Variants in TCF3 observed in about 807,000 individuals in gnomAD.
TCF3 encodes transcription factor 3.
A neutral mutation model predicts 72.3 loss-of-function variants in TCF3; 54 were observed. The observed-to-expected ratio is 0.75, with a 90% CI of 0.60 to 0.94. The LOEUF (loss-of-function observed/expected upper bound fraction) is 0.94, where lower values mean the gene tolerates loss of function less well. TCF3 is among the 40% of genes least tolerant of loss of function. TCF3 has a pLI of 0.00. For synonymous variants in TCF3, 525 were observed against 412.6 expected, an observed-to-expected ratio of 1.27 and a Z score of -3.30; for missense variants, 1,078 against 934.4, an observed-to-expected ratio of 1.15 and a Z score of -2.00.
intron 3 of TCF3, among the ~76,000 whole-genome samples, chr19:1,636,904 C>T (rs2064494402): frequency 6.6e-6 from 1 of 152,166 alleles, no homozygotes; most frequent in African/African-American, 2.4e-5. Flanking sequence ...CGCGAGCAGA[C>T]AAACCTGAGG....
chr19:1,626,775 C>A (rs1732968762), intron 6 of TCF3, among the ~76,000 whole-genome samples: 2 of 152,226 alleles, frequency 1.3e-5, no homozygotes, highest in Admixed American at 1.3e-4. Flanking sequence ...CCCCCTCCAT[C>A]ACTATGGCTA....
At chr19:1,650,529 G>A (rs1044670720) in intron 1 of TCF3, 66 of 410,984 alleles carry the variant, frequency 1.6e-4, no homozygotes, top group Non-Finnish European at 1.7e-4. Flanking sequence ...TGAAAAATGG[G>A]GGGAGGGTGT....
chr19:1,641,995 T>C (rs932529378), intron 3 of TCF3, among the ~76,000 whole-genome samples: 4 of 151,808 alleles, frequency 2.6e-5, no homozygotes, highest in Non-Finnish European at 5.9e-5. Context: ...CAGTCAGTTA[T>C]GATCACACCA....
intron 5 of TCF3, among the ~76,000 whole-genome samples, chr19:1,629,577 C>A (rs2063446756): frequency 6.6e-6 from 1 of 152,084 alleles, no homozygotes; most frequent in South Asian, 2.1e-4. Context: ...AGGAGGACAG[C>A]CTGCCGGGGC....
At position 1,650,264 on chromosome 19, in the gene TCF3, G is replaced by C. The variant is rs2145785098; in HGVS notation, c.-16C>G. 1 of 1,555,634 alleles carries C rather than the reference G, an allele frequency of 6.4e-7. No homozygotes were observed. The highest frequency in any genetic ancestry group is 2.3e-5 in the East Asian group (1 of 42,690). ...GCTGGTTCATTCTCCTGGGGCCAGG[G>C]CGGGCACCTCAGGCCTGGAAACCCT... On this transcript the variant is annotated 5_prime_UTR_variant, in exon 2 of 19. Transcript: ENST00000262965.
At chr19:1,621,997 G>C in intron 10 of TCF3, 27 bp from the exon 11 acceptor site, 1 of 1,600,866 alleles carries the variant, frequency 6.2e-7, no homozygotes, top group African/African-American at 1.3e-5. Context: ...GAGGAGGGTG[G>C]GTTAGATGGG....
Position 1,640,880 on chromosome 19 carries a change from G to A in TCF3, c.145+5475C>T, listed in dbSNP as rs542144334. On this transcript the variant is annotated intron_variant, in intron 3 of 18. Coordinates refer to ENST00000262965, the MANE Select transcript of TCF3 (RefSeq NM_003200.5). ...AGTTAATGAGGCGGCCAGGCGCGGT[G>A]GTTCACGCCTGTAATCCCAGCACTT... Among the ~76,000 whole-genome samples the A allele has an allele frequency of 7.2e-5, 11 of 152,162 alleles. No individual in the cohort carries two copies. The East Asian group carries it at 2.1e-3, about 29-fold the overall frequency.
At chr19:1,638,782 T>C (rs1599941214) in intron 3 of TCF3, among the ~76,000 whole-genome samples, 1 of 152,258 alleles carries the variant, frequency 6.6e-6, no homozygotes, top group African/African-American at 2.4e-5. Context: ...CGCAAAGCGG[T>C]ACAGAGCTTC....
At chr19:1,627,451 T>G (rs780702298) in intron 5 of TCF3, 25 bp from the exon 6 acceptor site, 4 of 1,610,016 alleles carry the variant, frequency 2.5e-6, no homozygotes, top group Admixed American at 3.3e-5. Flanking sequence ...GGAAGGTTAG[T>G]GGGAGGCGAC....
At chr19:1,612,506 G>C in intron 18 of TCF3, 1 of 1,413,896 alleles carries the variant, frequency 7.1e-7, no homozygotes, top group Non-Finnish European at 9.8e-7. Context: ...GGGTTGTGGA[G>C]AGGGTATCCA....
chr19:1,621,466 T>C (rs2062199821), intron 11 of TCF3, among the ~76,000 whole-genome samples: 1 of 151,452 alleles, frequency 6.6e-6, no homozygotes, highest in Admixed American at 6.6e-5. Context: ...AGTCCCTCTC[T>C]GGGCCTGGGT....
intron 1 of TCF3, 144 bp from the exon 2 acceptor site, chr19:1,650,431 C>T (rs556787504): frequency 3.3e-6 from 2 of 608,188 alleles, no homozygotes. Flanking sequence ...GCCCTGGGGG[C>T]ACGGGGAGCC....
rs533783767 is a variant in TCF3, at chr19:1,633,943, C to T, written c.146-1538G>A. ...GTTGTCTGGTCCCCTCCGGCCATAG[C>T]CAGTACCCCAGGAGGTGCAGAGACC... On this transcript the variant is annotated intron_variant, in intron 3 of 18. Transcript: ENST00000262965. 4.1e-4 allele frequency among the ~76,000 whole-genome samples: 63 copies of T among 152,330 alleles called. No individual in the cohort carries two copies. The South Asian group carries it at 0.013, about 31-fold the overall frequency.
At position 1,650,190 on chromosome 19, in the gene TCF3, A is replaced by G. The variant is rs765716108; in HGVS notation, c.59T>C (p.Leu20Pro). The change falls in exon 2 of 19, where the codon CTG becomes CCG. Residue 20 changes from leucine (L) to proline (P), a missense_variant. Leu to Pro is a moderately conservative substitution (Grantham distance 98). Transcript: ENST00000262965. ...VGTDKELSDL[L>P]DFSMMFPLPV... is the part of the protein sequence containing the mutation. ...GTCCTGGCTCACCATGCTGAAGTCCAGGAGGTCACTGAGCTCCTTGTCTGT... is the reference window on the plus strand; with the variant it reads ...GTCCTGGCTCACCATGCTGAAGTCCGGGAGGTCACTGAGCTCCTTGTCTGT... 1.9e-6 allele frequency: 3 copies of G among 1,571,778 alleles called. No homozygotes were observed. The highest frequency in any genetic ancestry group is 2.6e-6 in the Non-Finnish European group (3 of 1,159,974).
chr19:1,622,188 G>C lies in TCF3; in HGVS notation c.688C>G (p.Pro230Ala). 2 of 1,567,082 alleles carry C rather than the reference G, an allele frequency of 1.3e-6. No homozygotes were observed. The highest frequency in any genetic ancestry group is 1.7e-6 in the Non-Finnish European group (2 of 1,158,642). ...SLHPSAELWS[P>A]PGQAGFGPML... is the part of the protein sequence containing the mutation. The stretch of plus-strand genomic sequence containing the variant: ...GGCCCGAAGCCCGCCTGGCCCGGGG[G>C]ACTCCAGAGCTCGGCTGAGGGGTGC... The change falls in exon 10 of 19, where the codon CCC becomes GCC. Residue 230 changes from proline (P) to alanine (A), a missense_variant. Physicochemically the swap from Pro to Ala is conservative, Grantham distance 27. Transcript: ENST00000262965.
chr19:1,641,156 C>T (rs1225887012), intron 3 of TCF3, among the ~76,000 whole-genome samples: 1 of 83,818 alleles, frequency 1.2e-5, no homozygotes, highest in Non-Finnish European at 2.0e-5. Flanking sequence ...GAGCAAAACT[C>T]GGTCTCAAAA....
At chr19:1,650,359 C>A in intron 1 of TCF3, 72 bp from the exon 2 acceptor site, 1 of 1,186,862 alleles carries the variant, frequency 8.4e-7, no homozygotes, top group Non-Finnish European at 1.2e-6. Context: ...GTGGTCAAAG[C>A]ACAGAGTGCT....
At chr19:1,636,975 T>G (rs1174858819) in intron 3 of TCF3, among the ~76,000 whole-genome samples, 1 of 151,990 alleles carries the variant, frequency 6.6e-6, no homozygotes, top group African/African-American at 2.4e-5. Context: ...CCACAGCACC[T>G]AAAGTGGCAG....
rs1474484638 is a variant in TCF3 at position 1,609,573 on chromosome 19, G to A, written c.*2134C>T. ...TCTATGCAGAACGCACAGTTCCAGA[G>A]GCTATGGGGCCACTGCCCACCCAGA... On this transcript the variant is annotated 3_prime_UTR_variant, in exon 19 of 19. Coordinates refer to ENST00000262965, the MANE Select transcript of TCF3 (RefSeq NM_003200.5). 1 of 221,978 alleles carries A rather than the reference G, an allele frequency of 4.5e-6. No homozygotes were observed. The highest frequency in any genetic ancestry group is 9.0e-6 in the Non-Finnish European group (1 of 111,342). 13.8% of individuals were successfully genotyped at this position (221,978 alleles called of 1,614,324 possible).
Sources: gnomAD v4.1 joint callset for allele counts (sites outside exome capture counted in the v4.1 genomes callset) on GRCh38, gnomAD v4.1.1 for gene constraint, MANE v1.5 for transcripts, NCBI Gene and HGNC (gene_info 2026-07-23, HGNC 2026-07-21) for gene names.